GPHN: variants seen among roughly 807,000 people sequenced by gnomAD.
GPHN encodes the protein gephyrin.
GPHN carries 17 observed loss-of-function variants against 95.5 expected under a neutral mutation model. The ratio of observed to expected loss-of-function variants is 0.18; its 90% CI spans 0.12 to 0.27. The LOEUF (loss-of-function observed/expected upper bound fraction) is 0.27, where lower values mean the gene tolerates loss of function less well. GPHN is among the 10% of genes least tolerant of loss of function. The pLI, the probability that GPHN is intolerant of heterozygous loss-of-function variation, is 1.00. For missense variants in GPHN, 660 were observed against 978.1 expected (o/e 0.67, Z 4.34); for synonymous variants, 320 against 322.5 (o/e 0.99, Z 0.08).
the GPHN span, among the ~76,000 whole-genome samples, chr14:67,607,660 C>T: frequency 1.3e-5 from 2 of 152,166 alleles, no homozygotes; most frequent in Non-Finnish European, 2.9e-5. Context: ...CCACCACGCC[C>T]GGCCTGGACG....
the GPHN span, among the ~76,000 whole-genome samples, chr14:67,314,412 T>C: frequency 6.6e-6 from 1 of 152,232 alleles, no homozygotes; most frequent in Non-Finnish European, 1.5e-5. Context: ...TTTCTCACTT[T>C]AAAACTCAGA....
intron 1 of GPHN, among the ~76,000 whole-genome samples, chr14:66,582,287 A>C (rs963941103): frequency 2.6e-5 from 4 of 152,138 alleles, no homozygotes; most frequent in African/African-American, 9.7e-5. Context: ...ACCAAGAGTA[A>C]AACTGAAATG....
chr14:67,302,620 T>C, the GPHN span: 1 of 1,292,824 alleles, frequency 7.7e-7, no homozygotes, highest in Non-Finnish European at 1.0e-6. Flanking sequence ...AGAAAGCTCT[T>C]ATTAGACTTT....
the GPHN span, chr14:67,589,098 T>C: frequency 6.5e-6 from 1 of 152,978 alleles, no homozygotes; most frequent in African/African-American, 2.4e-5. Context: ...TTATAATATC[T>C]TGGGTATCTC....
At chr14:67,327,176 AAAAG>A in the GPHN span, among the ~76,000 whole-genome samples, 2 of 152,228 alleles carry the variant, frequency 1.3e-5, no homozygotes, top group African/African-American at 4.8e-5. Flanking sequence ...CTCTCAAAAA[AAAAG>A]AAAAAATTTT....
intron 2 of GPHN, among the ~76,000 whole-genome samples, chr14:66,713,553 A>C (rs990437703): frequency 6.6e-6 from 1 of 152,088 alleles, no homozygotes; most frequent in African/African-American, 2.4e-5. Flanking sequence ...TATAGTTTCA[A>C]ATCAGGTAGT....
chr14:66,954,808 G>A (rs780692984), intron 8 of GPHN, among the ~76,000 whole-genome samples: 28 of 152,106 alleles, frequency 1.8e-4, no homozygotes, highest in Non-Finnish European at 2.8e-4. Flanking sequence ...AGTTTTCCAA[G>A]TGTTTTATCC....
chr14:67,443,897 A>G, the GPHN span, among the ~76,000 whole-genome samples: 2 of 152,216 alleles, frequency 1.3e-5, no homozygotes, highest in Non-Finnish European at 2.9e-5. Context: ...CCCCTAAATC[A>G]CTAAGCTAAA....
At chr14:67,710,639 C>T in the GPHN span, among the ~76,000 whole-genome samples, 1 of 151,784 alleles carries the variant, frequency 6.6e-6, no homozygotes, top group East Asian at 1.9e-4. Context: ...TCTTTTATTT[C>T]CTGGTTCCTT....
At chr14:67,017,649 A>G (rs941407445) in intron 9 of GPHN, among the ~76,000 whole-genome samples, 2 of 152,130 alleles carry the variant, frequency 1.3e-5, no homozygotes, top group East Asian at 3.9e-4. Flanking sequence ...CTTAGAAAAT[A>G]AGGAATCTTC....
the GPHN span, among the ~76,000 whole-genome samples, chr14:67,543,984 G>A: frequency 3.3e-5 from 5 of 152,092 alleles, no homozygotes; most frequent in African/African-American, 1.2e-4. Flanking sequence ...AGTAATGTAA[G>A]GTTTGAAGTT....
chr14:66,963,370 G>C (rs767979809), intron 8 of GPHN, among the ~76,000 whole-genome samples: 1 of 151,988 alleles, frequency 6.6e-6, no homozygotes, highest in Admixed American at 6.6e-5. Flanking sequence ...CACACACACA[G>C]AGACATTATT....
At chr14:66,859,584 T>G (rs1004511395) in intron 4 of GPHN, among the ~76,000 whole-genome samples, 5 of 152,182 alleles carry the variant, frequency 3.3e-5, no homozygotes, top group Non-Finnish European at 7.3e-5. Context: ...CATCTACAAG[T>G]ATCACGATCA....
chr14:67,397,520 T>C, the GPHN span: 2 of 645,746 alleles, frequency 3.1e-6, no homozygotes, highest in Non-Finnish European at 5.2e-6. Context: ...ATACCTGGTA[T>C]GTGGCGGAGC....
chr14:67,292,792 A>G, the GPHN span: 1 of 1,129,856 alleles, frequency 8.9e-7, no homozygotes, highest in South Asian at 1.4e-5. Context: ...TTATTGGAAA[A>G]TACTAATGTG....
chr14:66,952,380 C>T (rs1360185343), intron 8 of GPHN, among the ~76,000 whole-genome samples: 1 of 151,390 alleles, frequency 6.6e-6, no homozygotes, highest in Non-Finnish European at 1.5e-5. Flanking sequence ...CTTTTTATGG[C>T]TGCACAATAT....
the GPHN span, among the ~76,000 whole-genome samples, chr14:67,230,939 C>T: frequency 2.6e-5 from 4 of 152,208 alleles, no homozygotes; most frequent in East Asian, 1.9e-4. Flanking sequence ...CTCACACCAT[C>T]CCACCTGGAA....
the GPHN span, among the ~76,000 whole-genome samples, chr14:67,289,768 C>CTTTTTTTT: frequency 3.1e-5 from 3 of 95,508 alleles, 1 homozygote; most frequent in Non-Finnish European, 6.4e-5. Flanking sequence ...TTTTCCATGT[C>CTTTTTTTT]CTTTTTTTTT....
At chr14:67,212,600 T>TTA in the GPHN span, among the ~76,000 whole-genome samples, 1 of 113,872 alleles carries the variant, frequency 8.8e-6, no homozygotes, top group African/African-American at 3.9e-5. Flanking sequence ...AAAAAAAAAA[T>TTA]ATATATATAT....
Sources: gnomAD v4.1 joint callset for allele counts (sites outside exome capture counted in the v4.1 genomes callset) on GRCh38, gnomAD v4.1.1 for gene constraint, MANE v1.5 for transcripts, NCBI Gene and HGNC (gene_info 2026-07-23, HGNC 2026-07-21) for gene names.